ZCCHC2: variants seen among roughly 807,000 people sequenced by gnomAD.
The protein encoded by ZCCHC2 is zinc finger CCHC domain-containing protein 2.
A neutral mutation model predicts 103.6 loss-of-function variants in ZCCHC2; 39 were observed. That is an observed-to-expected ratio of 0.38 (90% CI 0.29 to 0.49). The LOEUF (loss-of-function observed/expected upper bound fraction) is 0.49. Among genes scored for constraint, ZCCHC2 ranks in the 20% least tolerant of loss-of-function variants. The probability of loss-of-function intolerance (pLI) is 0.96; values close to 1 mark genes in which losing one functional copy is unlikely to be tolerated. For missense variants in ZCCHC2, 1,483 were observed against 1,491.0 expected (o/e 0.99, Z 0.09); for synonymous variants, 687 against 608.9 (o/e 1.13, Z -1.89).
At chr18:62,566,226 C>A (rs1916359117) in intron 11 of ZCCHC2, among the ~76,000 whole-genome samples, 2 of 152,108 alleles carry the variant, frequency 1.3e-5, no homozygotes, top group African/African-American at 4.8e-5. Context: ...GCCTGGGCAA[C>A]AAGAGTGAAA....
At chr18:62,545,167 T>C (rs2145501008) in intron 4 of ZCCHC2, among the ~76,000 whole-genome samples, 1 of 152,016 alleles carries the variant, frequency 6.6e-6, no homozygotes, top group Non-Finnish European at 1.5e-5. Context: ...GGGAGGATCA[T>C]GTGAGGCAGG....
In ZCCHC2 at chr18:62,539,730, TAG is replaced by T. The variant is rs1201169631; in HGVS notation, c.992_993del (p.Glu331AlafsTer24). 6.2e-7 allele frequency: 1 copy of T among 1,607,052 alleles called. No homozygotes were observed. The highest frequency in any genetic ancestry group is 2.2e-5 in the East Asian group (1 of 44,714). ...ATGCAAAATAACGAGAGCAGCTTAA[TAG>T]AGCAAGCTCCAATACCTCAGGACGG... On this transcript the variant is annotated frameshift_variant, in exon 2 of 14. Coordinates refer to ENST00000269499, the MANE Select transcript of ZCCHC2 (RefSeq NM_017742.6). LOFTEE classifies it high-confidence loss of function.
intron 12 of ZCCHC2, among the ~76,000 whole-genome samples, chr18:62,573,200 A>G (rs1014984376): frequency 6.6e-6 from 1 of 152,186 alleles, no homozygotes; most frequent in Non-Finnish European, 1.5e-5. Flanking sequence ...AGATTTTTAA[A>G]TAGGCACTAC....
rs1367473537 is a variant in ZCCHC2, at chr18:62,527,026, C to CG, written c.939+2663_939+2664insG. ...GCAGCATTTCCCCCGCCCCCCCCCC[C>CG]CCCGAAAGTAACCTTTTAGACACAA... On this transcript the variant is annotated intron_variant, in intron 1 of 13. Transcript: ENST00000269499. 6 of 36,578 alleles carry CG rather than the reference C, an allele frequency of 1.6e-4. 1 individual carries two copies. Among genetic ancestry groups the CG allele is most frequent in the African/African-American group, 6.4e-4 (6 of 9,370 alleles). The allele number at this position is 36,578 out of a possible 1,614,324, so 2.3% of individuals were successfully genotyped here. A position where few individuals can be genotyped will look rare whatever the true frequency, so the allele number is the denominator to read the frequency against.
At chr18:62,568,951 A>T (rs949282080) in intron 11 of ZCCHC2, among the ~76,000 whole-genome samples, 1 of 152,192 alleles carries the variant, frequency 6.6e-6, no homozygotes, top group Non-Finnish European at 1.5e-5. Flanking sequence ...TGGGTCATTC[A>T]GGGCCTGTTG....
At chr18:62,583,435 C>A (rs1257909182), downstream of ZCCHC2, among the ~76,000 whole-genome samples, 1 of 152,102 alleles carries the variant, frequency 6.6e-6, no homozygotes, top group Non-Finnish European at 1.5e-5. Flanking sequence ...TCAAATTTTT[C>A]TGAAAAGGTT....
chr18:62,542,122 G>C (rs1172215248), intron 2 of ZCCHC2, among the ~76,000 whole-genome samples: 1 of 152,060 alleles, frequency 6.6e-6, no homozygotes, highest in Non-Finnish European at 1.5e-5. Flanking sequence ...ATATTTAGTT[G>C]ATATTAAAAT....
At chr18:62,561,095 T>G (rs1916096468) in intron 8 of ZCCHC2, among the ~76,000 whole-genome samples, 1 of 152,194 alleles carries the variant, frequency 6.6e-6, no homozygotes, top group Admixed American at 6.5e-5. Flanking sequence ...CTTTGTAGTG[T>G]TTGTGTACTC....
chr18:62,524,075 G>T lies in ZCCHC2; in HGVS notation c.651G>T (p.Ala217=). ...GGGGCGAGGGCTCGCGGGGCGGCGC[G>T]GAGGACGAGCGCGGCGAGGACGGCG... ...AARGEGSRGG[A]EDERGEDGDG... Residue 217 remains alanine, a synonymous_variant, in exon 1 of 14, where the codon GCG becomes GCT. Transcript: ENST00000269499. 6.7e-7 allele frequency: 1 copy of T among 1,502,344 alleles called. No individual in the cohort carries two copies. The allele number at this position is 1,502,344 out of a possible 1,614,324, so 93.1% of individuals were successfully genotyped here. A position where few individuals can be genotyped will look rare whatever the true frequency, so the allele number is the denominator to read the frequency against.
chr18:62,542,601 C>A, intron 3 of ZCCHC2, 27 bp downstream of exon 3: 1 of 1,534,492 alleles, frequency 6.5e-7, no homozygotes, highest in South Asian at 1.2e-5. Context: ...ACAAAAGATA[C>A]CTCACGTGCT....
intron 11 of ZCCHC2, among the ~76,000 whole-genome samples, chr18:62,566,282 T>C (rs1357969568): frequency 6.6e-6 from 1 of 152,202 alleles, no homozygotes; most frequent in Non-Finnish European, 1.5e-5. Context: ...AAAACTAAAA[T>C]CATCTGGCCA....
exon 15 of ZCCHC2, chr18:62,586,352 C>T (rs770310245): frequency 7.2e-5 from 11 of 151,874 alleles, no homozygotes; most frequent in Non-Finnish European, 1.5e-4. Flanking sequence ...GGGAGATGGA[C>T]GTTAGGCTGG....
intron 1 of ZCCHC2, among the ~76,000 whole-genome samples, chr18:62,529,270 G>C (rs1254627328): frequency 2.0e-5 from 3 of 151,754 alleles, no homozygotes; most frequent in African/African-American, 7.3e-5. Flanking sequence ...TGGGTTATTT[G>C]ATATTTTAAA....
intron 6 of ZCCHC2, 43 bp from the exon 7 acceptor site, chr18:62,558,644 T>C (rs1452068027): frequency 8.4e-7 from 1 of 1,186,420 alleles, no homozygotes; most frequent in Non-Finnish European, 1.2e-6. Flanking sequence ...TTTCTTTATT[T>C]TAATTTTCCT....
chr18:62,537,434 G>A (rs953718408), intron 1 of ZCCHC2, among the ~76,000 whole-genome samples: 11 of 152,180 alleles, frequency 7.2e-5, no homozygotes, highest in Non-Finnish European at 1.6e-4. Context: ...GCCTCCCAAA[G>A]TGCTGGGATT....
chr18:62,548,390 G>A (rs371554763), intron 4 of ZCCHC2, among the ~76,000 whole-genome samples: 12 of 152,168 alleles, frequency 7.9e-5, no homozygotes, highest in African/African-American at 2.7e-4. Flanking sequence ...GCCCAGCAAC[G>A]TGAACAGTGT....
At position 62,561,046 on chromosome 18, in the gene ZCCHC2, A is replaced by G. The variant is rs537417661; in HGVS notation, c.1550+402A>G. On this transcript the variant is annotated intron_variant, in intron 8 of 13. Coordinates refer to ENST00000269499, the MANE Select transcript of ZCCHC2 (RefSeq NM_017742.6). The stretch of plus-strand genomic sequence containing the variant: ...AACTTGTAAGCCGTGGCTGTCATGC[A>G]TTTTAATTCTCTGTATAATTTTAAA... Among the ~76,000 whole-genome samples, 17 of 152,270 alleles carry G rather than the reference A, an allele frequency of 1.1e-4. No individual in the cohort carries two copies. The East Asian group carries it at 1.9e-3, about 17-fold the overall frequency.
intron 11 of ZCCHC2, among the ~76,000 whole-genome samples, chr18:62,568,413 C>G (rs1249802231): frequency 6.6e-6 from 1 of 152,126 alleles, no homozygotes; most frequent in Non-Finnish European, 1.5e-5. Context: ...TATAAAAGTT[C>G]TTAAGGTACC....
At chr18:62,563,874 G>C (rs540619727) in intron 9 of ZCCHC2, among the ~76,000 whole-genome samples, 3 of 152,072 alleles carry the variant, frequency 2.0e-5, no homozygotes, top group Non-Finnish European at 4.4e-5. Context: ...ATGCATTAGG[G>C]GATGTTTGCT....
Sources: allele counts gnomAD v4.1 joint callset (sites outside exome capture counted in the v4.1 genomes callset), GRCh38; gene constraint gnomAD v4.1.1; transcripts MANE v1.5; gene names NCBI Gene and HGNC (gene_info 2026-07-23, HGNC 2026-07-21).